Variants in RBFOX1 observed in about 807,000 individuals in gnomAD.
The protein encoded by RBFOX1 is RNA binding protein fox-1 homolog 1.
Under a neutral mutation model 57.7 loss-of-function variants are expected in RBFOX1, and 8 were observed. The ratio of observed to expected loss-of-function variants is 0.14; its 90% confidence interval spans 0.08 to 0.25. RBFOX1 has a LOEUF of 0.25. Ranked by LOEUF, RBFOX1 falls within the 10% of genes least tolerant of loss-of-function variation. The pLI is 1.00. For synonymous variants in RBFOX1, 326 were observed against 222.4 expected (o/e 1.47, Z -4.15); for missense variants, 611 against 548.5 (o/e 1.11, Z -1.14).
At chr16:6,070,813 G>A (rs1181637571) in intron 1 of RBFOX1, among the ~76,000 whole-genome samples, 4 of 150,426 alleles carry the variant, frequency 2.7e-5, no homozygotes, top group South Asian at 2.2e-4. Flanking sequence ...ACACACACAC[G>A]CTCGCCCCCC....
At chr16:6,559,901 T>C (rs2097157116) in intron 2 of RBFOX1, among the ~76,000 whole-genome samples, 1 of 152,082 alleles carries the variant, frequency 6.6e-6, no homozygotes, top group Non-Finnish European at 1.5e-5. Context: ...TCTGGTTCCT[T>C]CCCTGAGTTC....
chr16:5,927,592 C>T (rs941241272), intron 4 of RBFOX1, among the ~76,000 whole-genome samples: 70 of 152,170 alleles, frequency 4.6e-4, no homozygotes, highest in Non-Finnish European at 1.0e-4. Context: ...AATAGTGCTT[C>T]TGGGTATATA....
At chr16:6,724,199 G>T (rs370796642) in intron 3 of RBFOX1, among the ~76,000 whole-genome samples, 2 of 149,270 alleles carry the variant, frequency 1.3e-5, no homozygotes, top group African/African-American at 2.5e-5. Flanking sequence ...CGGCGAGAAG[G>T]CATCTTCCAT....
intron 4 of RBFOX1, among the ~76,000 whole-genome samples, chr16:7,158,467 C>T (rs567878659): frequency 6.6e-6 from 1 of 152,246 alleles, no homozygotes; most frequent in South Asian, 2.1e-4. Context: ...ATCTCCTGAC[C>T]TTTTTCAGAT....
intron 2 of RBFOX1, among the ~76,000 whole-genome samples, chr16:6,396,621 T>G (rs1211214323): frequency 1.3e-5 from 2 of 152,136 alleles, no homozygotes; most frequent in Non-Finnish European, 1.5e-5. Flanking sequence ...GGAGTGTGAA[T>G]CCAGCAAGTT....
At chr16:6,690,373 C>T (rs1478179713) in intron 3 of RBFOX1, among the ~76,000 whole-genome samples, 3 of 151,946 alleles carry the variant, frequency 2.0e-5, no homozygotes, top group African/African-American at 7.3e-5. Flanking sequence ...TTCACAGATC[C>T]ATTCGTGACA....
intron 1 of RBFOX1, among the ~76,000 whole-genome samples, chr16:6,253,695 G>GCA (rs2097641468): frequency 1.0e-5 from 1 of 96,214 alleles, no homozygotes; most frequent in Non-Finnish European, 2.5e-5. Flanking sequence ...GTGTGTGTGT[G>GCA]TGTGTATATA....
intron 4 of RBFOX1, among the ~76,000 whole-genome samples, chr16:7,114,396 G>T (rs115403445): frequency 0.01 from 1,549 of 152,260 alleles, 24 homozygotes; most frequent in African/African-American, 0.035. Context: ...TGGGAAGGAA[G>T]TATATGCTCA....
chr16:5,694,548 A>C (rs2050791449), intron 3 of RBFOX1, among the ~76,000 whole-genome samples: 1 of 152,122 alleles, frequency 6.6e-6, no homozygotes, highest in Admixed American at 6.5e-5. Context: ...GGTACCCAGC[A>C]CTGCCTTGCT....
At chr16:6,966,317 G>A (rs759485320) in intron 3 of RBFOX1, among the ~76,000 whole-genome samples, 1 of 152,142 alleles carries the variant, frequency 6.6e-6, no homozygotes, top group Non-Finnish European at 1.5e-5. Flanking sequence ...TGGGAGTGAA[G>A]GGAGAGCAAG....
At chr16:5,751,920 C>A (rs755436742) in intron 3 of RBFOX1, among the ~76,000 whole-genome samples, 1 of 152,138 alleles carries the variant, frequency 6.6e-6, no homozygotes, top group Non-Finnish European at 1.5e-5. Context: ...AATCCCATTC[C>A]TGGGTATATA....
intron 3 of RBFOX1, among the ~76,000 whole-genome samples, chr16:5,612,182 C>T (rs546366677): frequency 6.9e-6 from 1 of 145,146 alleles, no homozygotes; most frequent in Non-Finnish European, 1.5e-5. Flanking sequence ...CATTCTCCCA[C>T]CCATCCATTC....
At chr16:5,538,719 C>T (rs547831457) in intron 2 of RBFOX1, among the ~76,000 whole-genome samples, 208 of 151,844 alleles carry the variant, frequency 1.4e-3, no homozygotes, top group Middle Eastern at 0.01. Context: ...TTCGCCTTCC[C>T]GGATTCAAGT....
chr16:6,682,378 C>T (rs1480853467), intron 3 of RBFOX1, among the ~76,000 whole-genome samples: 17 of 151,938 alleles, frequency 1.1e-4, no homozygotes, highest in African/African-American at 2.4e-5. Context: ...GCTTCGAAGC[C>T]GATTGCCCCT....
At chr16:7,559,707 C>T (rs890686212) in intron 5 of RBFOX1, among the ~76,000 whole-genome samples, 1 of 152,180 alleles carries the variant, frequency 6.6e-6, no homozygotes, top group African/African-American at 2.4e-5. Flanking sequence ...CCACACAGTG[C>T]CAGAAGCCAG....
At chr16:6,548,959 C>T (rs558133928) in intron 2 of RBFOX1, among the ~76,000 whole-genome samples, 15 of 150,820 alleles carry the variant, frequency 9.9e-5, no homozygotes, top group African/African-American at 3.7e-4. Context: ...CCTGTAATCC[C>T]AGGTACTCAA....
intron 3 of RBFOX1, among the ~76,000 whole-genome samples, chr16:6,753,996 G>A (rs528032574): frequency 9.2e-5 from 14 of 152,004 alleles, no homozygotes; most frequent in Admixed American, 3.3e-4. Context: ...GCTTTTTACT[G>A]GGTTGTCTTC....
chr16:6,114,391 G>A (rs1567488333), intron 1 of RBFOX1, among the ~76,000 whole-genome samples: 1 of 152,156 alleles, frequency 6.6e-6, no homozygotes, highest in Non-Finnish European at 1.5e-5. Flanking sequence ...CTTTGAAATT[G>A]AAGACAATGA....
At chr16:6,868,014 A>G (rs1185889284) in intron 3 of RBFOX1, among the ~76,000 whole-genome samples, 1 of 152,212 alleles carries the variant, frequency 6.6e-6, no homozygotes, top group Non-Finnish European at 1.5e-5. Context: ...TGAAACTACT[A>G]TACTTCAGTT....
Sources: gnomAD v4.1 joint callset for allele counts (sites outside exome capture counted in the v4.1 genomes callset) on GRCh38, gnomAD v4.1.1 for gene constraint, MANE v1.5 for transcripts, NCBI Gene and HGNC (gene_info 2026-07-23, HGNC 2026-07-21) for gene names.